The following KDM2B variants were observed in gnomAD, a reference collection of about 807,000 sequenced individuals.
The protein encoded by KDM2B is lysine-specific demethylase 2B.
A neutral mutation model predicts 150.0 loss-of-function variants in KDM2B; 26 were observed. That is an observed-to-expected ratio of 0.17 (90% CI 0.13 to 0.24). The LOEUF (loss-of-function observed/expected upper bound fraction) is 0.24, where lower values mean the gene tolerates loss of function less well. Among genes scored for constraint, KDM2B ranks in the 10% least tolerant of loss-of-function variants. The pLI, the probability that KDM2B is intolerant of heterozygous loss-of-function variation, is 1.00. For missense variants in KDM2B, 1,265 were observed against 1,816.9 expected, an observed-to-expected ratio of 0.70 and a Z score of 5.52; for synonymous variants, 734 against 729.5, an observed-to-expected ratio of 1.01 and a Z score of -0.10.
chr12:121,424,031 A>G, the KDM2B span: 2 of 154,498 alleles, frequency 1.3e-5, no homozygotes, highest in Non-Finnish European at 2.9e-5. Flanking sequence ...TGTTCACTTT[A>G]TTAGTCATGT....
chr12:121,428,341 C>T (rs1872615439), downstream of KDM2B, among the ~76,000 whole-genome samples: 2 of 152,082 alleles, frequency 1.3e-5, no homozygotes, highest in Non-Finnish European at 1.5e-5. Flanking sequence ...TACAGGCATG[C>T]ACCACCACTC....
At chr12:121,542,686 C>T (rs1036452883) in intron 6 of KDM2B, among the ~76,000 whole-genome samples, 8 of 152,212 alleles carry the variant, frequency 5.3e-5, no homozygotes, top group Non-Finnish European at 1.0e-4. Flanking sequence ...TGGTTCTATA[C>T]ATCCAATGCA....
At chr12:121,413,891 G>A in the KDM2B span, among the ~76,000 whole-genome samples, 1 of 152,046 alleles carries the variant, frequency 6.6e-6, no homozygotes, top group South Asian at 2.1e-4. Flanking sequence ...GACTTTTAAA[G>A]GCATCACTAT....
chr12:121,446,590 G>A lies in KDM2B; in HGVS notation c.1960-1172C>T, dbSNP rs543760146. On this transcript the variant is annotated intron_variant, in intron 13 of 22. Transcript: ENST00000377071. ...CGTGACTGAGCTGGGAGGTGAAATGGCCACTTTCTCCACAGATTATTTTTA... is the reference window on the plus strand; with the variant it reads ...CGTGACTGAGCTGGGAGGTGAAATGACCACTTTCTCCACAGATTATTTTTA... Among the ~76,000 whole-genome samples the A allele has an allele frequency of 3.9e-5, 6 of 152,292 alleles. 1 individual carries two copies. The highest frequency in any genetic ancestry group is 2.0e-4 in the Admixed American group (3 of 15,300).
At position 121,571,158 on chromosome 12, in the gene KDM2B, A is replaced by G. The variant is rs537799212; in HGVS notation, c.397+3389T>C. Among the ~76,000 whole-genome samples, 4 of 152,364 alleles carry G rather than the reference A, an allele frequency of 2.6e-5. No individual in the cohort carries two copies. The East Asian group carries it at 7.7e-4, about 29-fold the overall frequency. The stretch of plus-strand genomic sequence containing the variant: ...CAGCAACTTCATAGAGACACAAGGC[A>G]GATTAGCAGTCATGCTAATCTAACA... On this transcript the variant is annotated intron_variant, in intron 4 of 22. Transcript: ENST00000377071.
At chr12:121,541,773 T>C (rs1413933976) in intron 6 of KDM2B, among the ~76,000 whole-genome samples, 1 of 152,158 alleles carries the variant, frequency 6.6e-6, no homozygotes, top group African/African-American at 2.4e-5. Flanking sequence ...CCTTTACTGC[T>C]TGTCAGATCA....
At chr12:121,506,688 A>G (rs1048287054) in intron 11 of KDM2B, among the ~76,000 whole-genome samples, 2 of 152,166 alleles carry the variant, frequency 1.3e-5, no homozygotes, top group Non-Finnish European at 2.9e-5. Flanking sequence ...CTGTAATCCC[A>G]GCACTTTGGG....
Position 121,509,746 on chromosome 12 carries a change from A to C in KDM2B, c.1468T>G (p.Tyr490Asp), listed in dbSNP as rs782062461. The change falls in exon 11 of 23, where the codon TAC (tyrosine) becomes GAC (aspartate). Residue 490 changes from tyrosine to aspartate, a missense_variant. Coordinates refer to ENST00000377071, the MANE Select transcript of KDM2B (RefSeq NM_032590.5). The part of the protein sequence containing the change: ...SVKSTTLAVD[Y>D]PKTPTGSPAT... ...GGAGAGCCGGTGGGGGTCTTGGGGT[A>C]GTCTACGGCCAATGTGGTGGACTTC... 1 of 1,613,972 alleles carries C rather than the reference A, an allele frequency of 6.2e-7. No individual in the cohort carries two copies. The highest frequency in any genetic ancestry group is 8.5e-7 in the Non-Finnish European group (1 of 1,180,034).
rs193156736 is a variant in KDM2B at position 121,474,580 on chromosome 12, T to G, written c.1734+19999A>C. 9.4e-4 allele frequency among the ~76,000 whole-genome samples: 143 copies of G among 152,316 alleles called. 3 individuals are homozygous for G. Among genetic ancestry groups the G allele is most frequent in the Non-Finnish European group, 1.2e-4 (8 of 68,024 alleles). ...CAAAAAGCATATACAGTCATGCTCT[T>G]GCAGAAAAACGTTTTGGTCAATGAT... On this transcript the variant is annotated intron_variant, in intron 12 of 22. Coordinates refer to ENST00000377071, the MANE Select transcript of KDM2B (RefSeq NM_032590.5).
At chr12:121,419,640 CAAAAG>C in the KDM2B span, among the ~76,000 whole-genome samples, 1 of 152,024 alleles carries the variant, frequency 6.6e-6, no homozygotes, top group African/African-American at 2.4e-5. Context: ...CAAATATAGT[CAAAAG>C]AAAATATGTG....
chr12:121,418,000 A>T, the KDM2B span: 1 of 1,345,120 alleles, frequency 7.4e-7, no homozygotes, highest in South Asian at 1.4e-5. The surrounding 1 kb of genome is among the most constrained non-coding windows in gnomAD (Gnocchi z 5.0). Context: ...ATGACTTCTG[A>T]TAAACTTCAA....
chr12:121,416,521 ATACT>A, the KDM2B span: 1 of 631,570 alleles, frequency 1.6e-6, no homozygotes, highest in South Asian at 2.0e-5. Context: ...ATCTAGAAAA[ATACT>A]TAATTGGAGG....
At chr12:121,436,390 G>A (rs938416672) in intron 22 of KDM2B, among the ~76,000 whole-genome samples, 18 of 151,896 alleles carry the variant, frequency 1.2e-4, no homozygotes, top group East Asian at 1.9e-4. Context: ...GCGTGGTGGC[G>A]GGCACCTGTA....
intron 14 of KDM2B, chr12:121,444,838 T>G (rs1229489391): frequency 1.0e-5 from 5 of 490,732 alleles, no homozygotes; most frequent in South Asian, 4.3e-5. Flanking sequence ...ACTGGGGGGG[T>G]ATGACCCAGG....
chr12:121,571,902 C>T (rs1224878579), intron 4 of KDM2B, among the ~76,000 whole-genome samples: 1 of 152,114 alleles, frequency 6.6e-6, no homozygotes, highest in Non-Finnish European at 1.5e-5. Context: ...TCGCCCGCGT[C>T]GGCCTCCCAA....
chr12:121,415,021 G>A, the KDM2B span, among the ~76,000 whole-genome samples: 2 of 151,976 alleles, frequency 1.3e-5, no homozygotes, highest in African/African-American at 2.4e-5. Flanking sequence ...GCTTGAGCCC[G>A]GGAGGCGGAC....
Position 121,440,816 on chromosome 12 carries a change from C to A in KDM2B, c.3610G>T (p.Gly1204Cys). Residue 1204 changes from glycine to cysteine, a missense_variant and splice_region_variant, in exon 21 of 23, where the codon GGT becomes TGT. Physicochemically the swap from Gly to Cys is radical, Grantham distance 159. This residue lies in a region of KDM2B where 251 missense variants were observed against 397.8 expected (regional missense o/e 0.63). Transcript: ENST00000377071. The part of the protein sequence containing the change: ...LLSPPTDNRP[G>C]QMDNRSKLRN... ...AGAAACCCCCAGCCTGGCAACTCAC[C>A]TGGCCTGTTGTCTGTGGGCGGGGAC... 1 of 1,607,056 alleles carries A rather than the reference C, an allele frequency of 6.2e-7. No homozygotes were observed. The highest frequency in any genetic ancestry group is 8.5e-7 in the Non-Finnish European group (1 of 1,176,330).
intron 12 of KDM2B, among the ~76,000 whole-genome samples, chr12:121,481,641 C>A (rs1463844597): frequency 6.6e-6 from 1 of 152,052 alleles, no homozygotes; most frequent in Non-Finnish European, 1.5e-5. Flanking sequence ...GCCATTATTC[C>A]AGAAATAAAA....
intron 11 of KDM2B, among the ~76,000 whole-genome samples, chr12:121,504,707 T>C (rs1028887287): frequency 9.2e-5 from 14 of 152,038 alleles, no homozygotes; most frequent in African/African-American, 1.9e-4. Flanking sequence ...TTGCACACGA[T>C]TGTGAATTGT....
Sources: gnomAD v4.1 joint callset for allele counts (sites outside exome capture counted in the v4.1 genomes callset) on GRCh38, gnomAD v4.1.1 for gene constraint, gnomAD v4.1.1 regional missense constraint, Gnocchi (gnomAD v3.1) non-coding constraint, MANE v1.5 for transcripts, NCBI Gene and HGNC (gene_info 2026-07-23, HGNC 2026-07-21) for gene names.